ABCA13: variants seen among roughly 807,000 people sequenced by gnomAD.
The protein encoded by ABCA13 is ATP binding cassette subfamily A member 13, also known as ATP-binding cassette sub-family A member 13.
In ABCA13, 476 loss-of-function variants were observed where a neutral mutation model predicts 478.7. The observed-to-expected ratio is 0.99, with a 90% CI of 0.92 to 1.07. The LOEUF is 1.07. Ranked by LOEUF, ABCA13 falls within the 50% of genes least tolerant of loss-of-function variation. The pLI is 0.00. For missense variants in ABCA13, 6,060 were observed against 5,910.6 expected, an observed-to-expected ratio of 1.03 and a Z score of -0.83; for synonymous variants, 2,252 against 2,158.9, an observed-to-expected ratio of 1.04 and a Z score of -1.20.
intron 45 of ABCA13, among the ~76,000 whole-genome samples, chr7:48,479,488 T>A (rs1473929244): frequency 2.0e-5 from 3 of 152,192 alleles, no homozygotes; most frequent in African/African-American, 7.2e-5. Flanking sequence ...TCCACCCACC[T>A]CCGCCTCCCA....
At chr7:48,216,870 A>G (rs1786556124) in intron 3 of ABCA13, among the ~76,000 whole-genome samples, 1 of 152,212 alleles carries the variant, frequency 6.6e-6, no homozygotes, top group South Asian at 2.1e-4. Flanking sequence ...ACATTTTAAA[A>G]ACATTGAATC....
chr7:48,443,822 T>C (rs915738337), intron 42 of ABCA13, among the ~76,000 whole-genome samples: 2 of 151,920 alleles, frequency 1.3e-5, no homozygotes, highest in Non-Finnish European at 2.9e-5. Flanking sequence ...AAAATAAGAG[T>C]GAATAAATCC....
chr7:48,555,924 T>G (rs1368362695), intron 55 of ABCA13, among the ~76,000 whole-genome samples: 2 of 151,746 alleles, frequency 1.3e-5, no homozygotes, highest in African/African-American at 4.8e-5. Context: ...TTTTTCTTCT[T>G]TTTTGTTGTA....
At chr7:48,250,459 GC>G (rs1792377581) in intron 15 of ABCA13, among the ~76,000 whole-genome samples, 2 of 152,100 alleles carry the variant, frequency 1.3e-5, no homozygotes, top group South Asian at 4.1e-4. Context: ...CTGACAATCA[GC>G]CCCCATTCTG....
intron 61 of ABCA13, among the ~76,000 whole-genome samples, 176 bp downstream of exon 61, chr7:48,644,930 A>G (rs571995785): frequency 6.6e-6 from 1 of 152,202 alleles, no homozygotes; most frequent in South Asian, 2.1e-4. Flanking sequence ...TTTACTGTAT[A>G]CCCTTCTACT....
At chr7:48,175,130 C>G (rs574153601) in intron 1 of ABCA13, among the ~76,000 whole-genome samples, 13 of 152,220 alleles carry the variant, frequency 8.5e-5, no homozygotes, top group Non-Finnish European at 1.5e-5. Context: ...TATTCAGTGG[C>G]TTTGAGCCAT....
At chr7:48,189,623 T>C (rs1283097374) in intron 1 of ABCA13, among the ~76,000 whole-genome samples, 1 of 152,230 alleles carries the variant, frequency 6.6e-6, no homozygotes, top group African/African-American at 2.4e-5. Context: ...AATATTTTCA[T>C]TTGAAACTAG....
At chr7:48,232,353 G>A (rs957237528) in intron 7 of ABCA13, among the ~76,000 whole-genome samples, 1 of 151,630 alleles carries the variant, frequency 6.6e-6, no homozygotes, top group Non-Finnish European at 1.5e-5. Flanking sequence ...TCAAGTTTTT[G>A]TACATCATCC....
intron 29 of ABCA13, 91 bp downstream of exon 29, chr7:48,338,546 G>T: frequency 1.1e-6 from 1 of 893,096 alleles, no homozygotes. Context: ...GGCATTGCTA[G>T]GTGACTTCCA....
chr7:48,393,010 A>T (rs1816297495), intron 38 of ABCA13, among the ~76,000 whole-genome samples: 1 of 152,204 alleles, frequency 6.6e-6, no homozygotes, highest in Non-Finnish European at 1.5e-5. Context: ...AGAAGTGGAA[A>T]GGAAGTAGGG....
Position 48,469,365 on chromosome 7 carries a change from T to C in ABCA13, c.12906-2165T>C, listed in dbSNP as rs184367939. ...AAGTTGAGGCCATGGATCAGCAGTG[T>C]AGAGAATGTGCATACCAGGGATCAT... On this transcript the variant is annotated intron_variant, in intron 44 of 61. Coordinates refer to ENST00000435803, the MANE Select transcript of ABCA13 (RefSeq NM_152701.5). Among the ~76,000 whole-genome samples, 417 of 152,230 alleles carry C rather than the reference T, an allele frequency of 2.7e-3. 2 individuals carry two copies. Among genetic ancestry groups the C allele is most frequent in the Admixed American group, 4.4e-3 (67 of 15,290 alleles).
At chr7:48,431,880 G>A (rs1822198490) in intron 42 of ABCA13, among the ~76,000 whole-genome samples, 1 of 152,150 alleles carries the variant, frequency 6.6e-6, no homozygotes, top group Non-Finnish European at 1.5e-5. Context: ...CAAAAGCCAG[G>A]TGTTTTTGAA....
At chr7:48,571,343 C>T (rs1787626617) in intron 55 of ABCA13, among the ~76,000 whole-genome samples, 1 of 152,148 alleles carries the variant, frequency 6.6e-6, no homozygotes, top group Admixed American at 6.5e-5. Flanking sequence ...TTAAAGACTT[C>T]ATTTAGTAAT....
intron 23 of ABCA13, among the ~76,000 whole-genome samples, chr7:48,300,606 C>T (rs1800015599): frequency 6.6e-6 from 1 of 152,164 alleles, no homozygotes; most frequent in Admixed American, 6.5e-5. Context: ...GCATTTCTGT[C>T]AAAAGACCAG....
chr7:48,578,748 G>C (rs894769125), intron 55 of ABCA13, among the ~76,000 whole-genome samples: 1 of 152,186 alleles, frequency 6.6e-6, no homozygotes, highest in African/African-American at 2.4e-5. Context: ...AGGCAACACA[G>C]TATGGAAGAA....
chr7:48,645,352 T>C, intron 61 of ABCA13, 65 bp from the exon 62 acceptor site: 1 of 1,319,656 alleles, frequency 7.6e-7, no homozygotes, highest in Non-Finnish European at 1.1e-6. Flanking sequence ...ATGTCTCCTT[T>C]CTAATAAGTG....
intron 29 of ABCA13, among the ~76,000 whole-genome samples, chr7:48,343,686 C>G (rs1807610854): frequency 6.6e-6 from 1 of 151,972 alleles, no homozygotes; most frequent in African/African-American, 2.4e-5. Flanking sequence ...TTTAGCGCAG[C>G]CATCACCTGA....
At chr7:48,410,172 TA>T (rs1258188819) in intron 39 of ABCA13, among the ~76,000 whole-genome samples, 2 of 151,278 alleles carry the variant, frequency 1.3e-5, no homozygotes, top group Non-Finnish European at 2.9e-5. Context: ...TTTTTTTTTT[TA>T]ATTTATTCTC....
chr7:48,308,435 T>G (rs1801236984), intron 23 of ABCA13, among the ~76,000 whole-genome samples: 1 of 152,160 alleles, frequency 6.6e-6, no homozygotes, highest in African/African-American at 2.4e-5. Context: ...ATATAGTCAT[T>G]TATTATCCTT....
Sources: gnomAD v4.1 joint callset for allele counts (sites outside exome capture counted in the v4.1 genomes callset) on GRCh38, gnomAD v4.1.1 for gene constraint, MANE v1.5 for transcripts, NCBI Gene and HGNC (gene_info 2026-07-23, HGNC 2026-07-21) for gene names.